Variants in DLGAP2 observed in about 807,000 individuals in gnomAD.
The protein encoded by DLGAP2 is disks large-associated protein 2.
DLGAP2 carries 26 observed loss-of-function variants against 100.3 expected under a neutral mutation model. The ratio of observed to expected loss-of-function variants is 0.26; its 90% confidence interval spans 0.19 to 0.36. The LOEUF (loss-of-function observed/expected upper bound fraction) is 0.36. DLGAP2 is among the 10% of genes least tolerant of loss of function. DLGAP2 has a pLI of 1.00. For synonymous variants in DLGAP2, 886 were observed against 630.1 expected (o/e 1.41, Z -6.08); for missense variants, 1,858 against 1,453.2 (o/e 1.28, Z -4.53).
chr8:1,361,852 C>T (rs1259787020), intron 3 of DLGAP2, among the ~76,000 whole-genome samples: 1 of 152,196 alleles, frequency 6.6e-6, no homozygotes, highest in Non-Finnish European at 1.5e-5. Flanking sequence ...TAGTGCAGGC[C>T]TGAGCCCGGC....
intron 2 of DLGAP2, among the ~76,000 whole-genome samples, chr8:1,232,724 C>G (rs969401679): frequency 5.9e-5 from 9 of 152,208 alleles, no homozygotes; most frequent in African/African-American, 1.7e-4. Flanking sequence ...TGTTCAGTGA[C>G]TTGTCTGAGG....
chr8:995,747 C>T (rs984681682), intron 2 of DLGAP2, among the ~76,000 whole-genome samples: 2 of 152,170 alleles, frequency 1.3e-5, no homozygotes, highest in African/African-American at 2.4e-5. Context: ...TAGTTTGAAT[C>T]TTATTTATGA....
At chr8:776,932 C>T (rs1821536015) in intron 1 of DLGAP2, among the ~76,000 whole-genome samples, 1 of 152,174 alleles carries the variant, frequency 6.6e-6, no homozygotes, top group African/African-American at 2.4e-5. Flanking sequence ...GTTGATCTGT[C>T]TAATGTTGAC....
chr8:787,650 C>G (rs371085585), intron 1 of DLGAP2, among the ~76,000 whole-genome samples: 5 of 152,204 alleles, frequency 3.3e-5, no homozygotes, highest in African/African-American at 4.8e-5. Context: ...CCTCTTCCCC[C>G]CTTGGCCTTG....
Position 840,585 on chromosome 8 carries a change from CGTCTCCCCACACTCTGGATT to C in DLGAP2, c.19-67326_19-67307del, listed in dbSNP as rs1563058256. Among the ~76,000 whole-genome samples, 31 of 86,320 alleles carry C rather than the reference CGTCTCCCCACACTCTGGATT, an allele frequency of 3.6e-4. 1 individual carries two copies. The highest frequency in any genetic ancestry group is 6.4e-4 in the Non-Finnish European group (25 of 39,048). 56.6% of individuals were successfully genotyped at this position (86,320 alleles called of 152,430 possible). A position where few individuals can be genotyped will look rare whatever the true frequency, so the allele number is the denominator to read the frequency against. ...CGCGTCCACACGGTGCACGCCTGCACGTCTCCCCACACTCTGGATTCTGCGAGCGCGTCCACACGGTGCAC... is the reference window on the plus strand; with the variant it reads ...CGCGTCCACACGGTGCACGCCTGCACCTGCGAGCGCGTCCACACGGTGCAC... On this transcript the variant is annotated intron_variant, in intron 1 of 14. Coordinates refer to ENST00000637795, the MANE Select transcript of DLGAP2 (RefSeq NM_001346810.2).
chr8:1,630,633 T>C (rs952381667), intron 7 of DLGAP2, among the ~76,000 whole-genome samples: 1 of 148,934 alleles, frequency 6.7e-6, no homozygotes, highest in East Asian at 2.0e-4. Context: ...ATCCGGGAGG[T>C]GGAGCTTGCA....
At chr8:1,235,268 C>CTCTCA (rs1798624674) in intron 2 of DLGAP2, among the ~76,000 whole-genome samples, 1 of 149,138 alleles carries the variant, frequency 6.7e-6, no homozygotes. Context: ...GTCTAGTTCT[C>CTCTCA]TCTCACATGG....
chr8:771,181 C>G (rs866115034), intron 1 of DLGAP2, among the ~76,000 whole-genome samples: 2 of 152,188 alleles, frequency 1.3e-5, no homozygotes, highest in Non-Finnish European at 2.9e-5. Flanking sequence ...AAACTCTAAA[C>G]ACTTAATCAT....
At chr8:856,185 CTTTTTTT>C (rs71223338) in intron 1 of DLGAP2, among the ~76,000 whole-genome samples, 2 of 130,558 alleles carry the variant, frequency 1.5e-5, no homozygotes, top group African/African-American at 5.7e-5. Flanking sequence ...TCTTCTTCTT[CTTTTTTT>C]TTTTTTTTTT....
chr8:891,358 A>G (rs1584867105), intron 1 of DLGAP2: 1 of 152,682 alleles, frequency 6.5e-6, no homozygotes, highest in South Asian at 2.1e-4. Flanking sequence ...CAGAGGCCCA[A>G]AAGGTCAGGC....
chr8:1,123,787 C>T (rs1470399059), intron 2 of DLGAP2, among the ~76,000 whole-genome samples: 1 of 152,152 alleles, frequency 6.6e-6, no homozygotes, highest in Admixed American at 6.5e-5. Context: ...AAAACTTCAG[C>T]ACTTTGTACA....
chr8:853,741 T>C (rs1797224396), intron 1 of DLGAP2, among the ~76,000 whole-genome samples: 1 of 152,222 alleles, frequency 6.6e-6, no homozygotes, highest in Non-Finnish European at 1.5e-5. Flanking sequence ...TTTAATTTAA[T>C]AAGAATTCAG....
intron 6 of DLGAP2, among the ~76,000 whole-genome samples, chr8:1,598,640 G>A (rs1354184731): frequency 1.3e-5 from 2 of 152,138 alleles, no homozygotes; most frequent in Non-Finnish European, 2.9e-5. Context: ...AGATTTTCTA[G>A]TTTATTTGTG....
At chr8:1,617,532 A>G (rs1482958586) in intron 6 of DLGAP2, among the ~76,000 whole-genome samples, 1 of 152,192 alleles carries the variant, frequency 6.6e-6, no homozygotes, top group Admixed American at 6.5e-5. Context: ...CTTCGTTTGA[A>G]AAGTGTCTGT....
intron 2 of DLGAP2, among the ~76,000 whole-genome samples, chr8:948,995 G>A (rs896744163): frequency 6.6e-6 from 1 of 151,526 alleles, no homozygotes; most frequent in Non-Finnish European, 1.5e-5. Flanking sequence ...TCGCCGGGGT[G>A]GGAGCAGGAC....
intron 2 of DLGAP2, among the ~76,000 whole-genome samples, chr8:947,130 A>G (rs1021048472): frequency 6.6e-6 from 1 of 152,186 alleles, no homozygotes; most frequent in Non-Finnish European, 1.5e-5. Context: ...TCTGCCAGGA[A>G]GACTGTCTTT....
intron 3 of DLGAP2, among the ~76,000 whole-genome samples, chr8:1,414,944 G>C (rs1563132359): frequency 6.6e-6 from 1 of 152,146 alleles, no homozygotes; most frequent in Non-Finnish European, 1.5e-5. Context: ...GGGAGGTGGA[G>C]GTTTCAGTGA....
intron 8 of DLGAP2, among the ~76,000 whole-genome samples, chr8:1,663,287 G>C (rs1372854388): frequency 6.6e-6 from 1 of 152,116 alleles, no homozygotes; most frequent in East Asian, 1.9e-4. Context: ...TCATACTGAA[G>C]AAATGAAGGG....
chr8:1,068,722 A>G (rs1281922712), intron 2 of DLGAP2, among the ~76,000 whole-genome samples: 1 of 152,078 alleles, frequency 6.6e-6, no homozygotes, highest in Non-Finnish European at 1.5e-5. Context: ...GCTGCACAGC[A>G]GGGGCTCAGC....
Sources: allele counts gnomAD v4.1 joint callset (sites outside exome capture counted in the v4.1 genomes callset), GRCh38; gene constraint gnomAD v4.1.1; transcripts MANE v1.5; gene names NCBI Gene and HGNC (gene_info 2026-07-23, HGNC 2026-07-21).